Variants in AGMO observed in about 807,000 individuals in gnomAD.
The protein encoded by AGMO is alkylglycerol monooxygenase.
AGMO carries 75 observed loss-of-function variants against 60.2 expected under a neutral mutation model. The observed-to-expected ratio is 1.25, with a 90% CI of 1.03 to 1.51. AGMO has a LOEUF of 1.51. AGMO is among the 40% of genes most tolerant of loss of function. The probability of loss-of-function intolerance (pLI) is 0.00; values close to 1 mark genes in which losing one functional copy is unlikely to be tolerated. For synonymous variants in AGMO, 261 were observed against 177.1 expected (o/e 1.47, Z -3.76); for missense variants, 763 against 525.5 (o/e 1.45, Z -4.42).
chr7:15,558,506 G>A (rs1037769666), intron 2 of AGMO, among the ~76,000 whole-genome samples: 1 of 151,902 alleles, frequency 6.6e-6, no homozygotes, highest in African/African-American at 2.4e-5. Flanking sequence ...CATGTTGAAT[G>A]TTTTTCTTGT....
chr7:15,169,279 T>A, the AGMO span, among the ~76,000 whole-genome samples: 1 of 152,282 alleles, frequency 6.6e-6, no homozygotes, highest in South Asian at 2.1e-4. Context: ...TCGTGCAATA[T>A]GAAAGCAGCC....
the AGMO span, among the ~76,000 whole-genome samples, chr7:15,175,894 T>C: frequency 1.3e-5 from 2 of 152,088 alleles, no homozygotes; most frequent in South Asian, 2.1e-4. Context: ...ATTTGTATTA[T>C]ACATCATCAG....
chr7:15,354,418 G>GTGTA (rs1782407230), intron 12 of AGMO, among the ~76,000 whole-genome samples: 1 of 24,908 alleles, frequency 4.0e-5, no homozygotes, highest in Non-Finnish European at 6.6e-5. Flanking sequence ...ACACGTGTGT[G>GTGTA]TATACACACA....
the AGMO span, among the ~76,000 whole-genome samples, chr7:15,132,099 A>C: frequency 6.6e-6 from 1 of 152,156 alleles, no homozygotes; most frequent in Non-Finnish European, 1.5e-5. Flanking sequence ...AGGGATTTGA[A>C]GAGCCACACA....
chr7:15,459,943 A>G (rs1322080331), intron 3 of AGMO, among the ~76,000 whole-genome samples: 1 of 152,086 alleles, frequency 6.6e-6, no homozygotes, highest in African/African-American at 2.4e-5. Context: ...ATTAAGAATT[A>G]TCATTCATTG....
At chr7:15,297,369 A>G (rs1784434741) in intron 12 of AGMO, among the ~76,000 whole-genome samples, 1 of 152,236 alleles carries the variant, frequency 6.6e-6, no homozygotes, top group Non-Finnish European at 1.5e-5. Context: ...AGTTATTGGC[A>G]TTATGGAATA....
At chr7:15,279,372 T>C (rs1783896964) in intron 12 of AGMO, among the ~76,000 whole-genome samples, 1 of 152,220 alleles carries the variant, frequency 6.6e-6, no homozygotes, top group Admixed American at 6.5e-5. Flanking sequence ...TCTACTTGAA[T>C]TGTTAACATT....
chr7:15,333,627 AAAAAT>A (rs1276091047), intron 12 of AGMO, among the ~76,000 whole-genome samples: 11 of 151,644 alleles, frequency 7.3e-5, no homozygotes, highest in African/African-American at 2.4e-4. Context: ...AAGAAAGAAA[AAAAAT>A]AAAAAGAATG....
rs911376331 is a variant in AGMO, at chr7:15,552,103, A to T, written c.258-7180T>A. 5.9e-5 allele frequency among the ~76,000 whole-genome samples: 9 copies of T among 152,264 alleles called. No individual in the cohort carries two copies. In the East Asian group the frequency reaches 1.5e-3, roughly 26 times the overall value. ...CCTATTTAATAAATGGTGCTGGGAA[A>T]ACTGGCTAGCCATATGTAGAAAGCT... On this transcript the variant is annotated intron_variant, in intron 2 of 12. Transcript: ENST00000342526.
intron 12 of AGMO, among the ~76,000 whole-genome samples, chr7:15,285,415 T>C (rs925669632): frequency 2.0e-4 from 30 of 152,084 alleles, no homozygotes; most frequent in Non-Finnish European, 3.5e-4. Flanking sequence ...TCAGTAGCAC[T>C]TCTATATACC....
the AGMO span, among the ~76,000 whole-genome samples, chr7:15,177,546 G>T: frequency 6.6e-5 from 10 of 151,966 alleles, no homozygotes; most frequent in African/African-American, 2.2e-4. Flanking sequence ...TTCTTCTTCT[G>T]GTAGGAAAGT....
chr7:15,292,628 G>A (rs1278873116), intron 12 of AGMO, among the ~76,000 whole-genome samples: 1 of 151,572 alleles, frequency 6.6e-6, no homozygotes, highest in East Asian at 1.9e-4. Flanking sequence ...TTTGGGAGAA[G>A]GAGAAAAGCT....
chr7:15,499,498 CT>C (rs898284008), intron 3 of AGMO, among the ~76,000 whole-genome samples: 3 of 151,786 alleles, frequency 2.0e-5, no homozygotes, highest in Admixed American at 1.3e-4. Context: ...ACAATACACA[CT>C]TTTTTGGAGA....
chr7:15,134,405 C>A, the AGMO span, among the ~76,000 whole-genome samples: 1 of 152,042 alleles, frequency 6.6e-6, no homozygotes, highest in Non-Finnish European at 1.5e-5. Flanking sequence ...AACTCCTGAG[C>A]GTATGCAATA....
At chr7:15,311,265 G>A (rs538988596) in intron 12 of AGMO, among the ~76,000 whole-genome samples, 7 of 152,082 alleles carry the variant, frequency 4.6e-5, no homozygotes, top group Non-Finnish European at 5.9e-5. Context: ...CTCATATAGC[G>A]CAAAAGCTAC....
chr7:15,277,110 C>A (rs1276846395), intron 12 of AGMO, among the ~76,000 whole-genome samples: 1 of 151,864 alleles, frequency 6.6e-6, no homozygotes, highest in South Asian at 2.1e-4. Flanking sequence ...GAGTTCTAGA[C>A]CAGCATGGCC....
At chr7:15,396,920 C>G (rs1169589383) in intron 5 of AGMO, among the ~76,000 whole-genome samples, 1 of 152,184 alleles carries the variant, frequency 6.6e-6, no homozygotes, top group African/African-American at 2.4e-5. Flanking sequence ...GAAAAGTTCT[C>G]CAAGTCCCCT....
At chr7:15,185,826 C>T in the AGMO span, among the ~76,000 whole-genome samples, 1 of 152,174 alleles carries the variant, frequency 6.6e-6, no homozygotes, top group African/African-American at 2.4e-5. Flanking sequence ...GTATTTGAGA[C>T]TTATTAAATT....
chr7:15,484,504 T>C (rs1453947040), intron 3 of AGMO, among the ~76,000 whole-genome samples: 9 of 152,334 alleles, frequency 5.9e-5, no homozygotes, highest in Non-Finnish European at 1.2e-4. Context: ...GTTCACATTG[T>C]AAAATTCATC....
Sources: gnomAD v4.1 joint callset for allele counts (sites outside exome capture counted in the v4.1 genomes callset) on GRCh38, gnomAD v4.1.1 for gene constraint, MANE v1.5 for transcripts, NCBI Gene and HGNC (gene_info 2026-07-23, HGNC 2026-07-21) for gene names.